Variants in RANGAP1 observed in about 807,000 individuals in gnomAD.
The protein encoded by RANGAP1 is ran GTPase-activating protein 1.
A neutral mutation model predicts 63.5 loss-of-function variants in RANGAP1; 38 were observed. That is an observed-to-expected ratio of 0.60 (90% CI 0.46 to 0.78). RANGAP1 has a LOEUF of 0.78. Ranked by LOEUF, RANGAP1 falls within the 30% of genes least tolerant of loss-of-function variation. The probability of loss-of-function intolerance (pLI) is 0.00; values close to 1 mark genes in which losing one functional copy is unlikely to be tolerated. For synonymous variants in RANGAP1, 329 were observed against 310.5 expected (o/e 1.06, Z -0.63); for missense variants, 630 against 740.3 (o/e 0.85, Z 1.73).
In RANGAP1 at chr22:41,257,694, C is replaced by A. The variant is rs1375272581; in HGVS notation, c.774+254G>T. Among the ~76,000 whole-genome samples, 1 of 152,246 alleles carries A rather than the reference C, an allele frequency of 6.6e-6. No individual in the cohort carries two copies. The highest frequency in any genetic ancestry group is 1.5e-5 in the Non-Finnish European group (1 of 68,044). On this transcript the variant is annotated intron_variant, in intron 7 of 15. Transcript: ENST00000356244. The surrounding 1 kb of genome is among the most constrained non-coding windows in gnomAD (Gnocchi z 4.0). ...CAGCCTGAGAACAAACCAGCGGCAGCCGCTGGGGGCTGCAGAGGCGGCTCA... is the reference window on the plus strand; with the variant it reads ...CAGCCTGAGAACAAACCAGCGGCAGACGCTGGGGGCTGCAGAGGCGGCTCA...
chr22:41,255,935 C>G, intron 10 of RANGAP1, 86 bp downstream of exon 10: 1 of 1,358,094 alleles, frequency 7.4e-7, no homozygotes, highest in Non-Finnish European at 1.0e-6. Flanking sequence ...GCCTGGGGAA[C>G]AGAGCAAGAC....
At chr22:41,269,804 A>C (rs1481146827) in intron 3 of RANGAP1, among the ~76,000 whole-genome samples, 2 of 151,664 alleles carry the variant, frequency 1.3e-5, no homozygotes, top group African/African-American at 4.8e-5. Context: ...ATAAATATTT[A>C]AGGTGATGGA....
the RANGAP1 span, among the ~76,000 whole-genome samples, chr22:41,300,425 A>AACACAC: frequency 7.5e-5 from 3 of 40,148 alleles, no homozygotes; most frequent in Non-Finnish European, 5.1e-5. Context: ...GGGTATTGGG[A>AACACAC]ACTCACACAC....
At chr22:41,291,762 G>A in the RANGAP1 span, among the ~76,000 whole-genome samples, 1,822 of 150,780 alleles carry the variant, frequency 0.012, 40 homozygotes, top group African/African-American at 0.042. Flanking sequence ...TTAGCCGGGC[G>A]TGATGGCGGG....
upstream of RANGAP1, among the ~76,000 whole-genome samples, chr22:41,287,348 T>A (rs2145872370): frequency 6.6e-6 from 1 of 150,972 alleles, no homozygotes; most frequent in Non-Finnish European, 1.5e-5. Context: ...AGGTGTGAAT[T>A]TAAGCATAAA....
intron 6 of RANGAP1, among the ~76,000 whole-genome samples, chr22:41,260,026 T>G (rs1246373494): frequency 1.3e-5 from 2 of 151,684 alleles, no homozygotes; most frequent in Non-Finnish European, 2.9e-5. Context: ...TTTTTTTTTT[T>G]GGGTTCAGGG....
chr22:41,274,015 T>C (rs1343409862), intron 3 of RANGAP1, among the ~76,000 whole-genome samples: 3 of 152,058 alleles, frequency 2.0e-5, no homozygotes, highest in Non-Finnish European at 2.9e-5. Flanking sequence ...GAGGCGGAGA[T>C]TGCAGTGAGC....
At chr22:41,248,313 G>C (rs1038991541) in intron 15 of RANGAP1, among the ~76,000 whole-genome samples, 1 of 152,240 alleles carries the variant, frequency 6.6e-6, no homozygotes, top group African/African-American at 2.4e-5. Context: ...TCCAGCTGCA[G>C]CCCAAGGGGT....
chr22:41,249,924 T>C (rs2033324519), intron 13 of RANGAP1, 107 bp from the exon 14 acceptor site: 1 of 960,424 alleles, frequency 1.0e-6, no homozygotes, highest in East Asian at 2.5e-5. Flanking sequence ...GCCTGCCTCC[T>C]CGCCCTGACG....
At chr22:41,293,233 C>CAA in the RANGAP1 span, among the ~76,000 whole-genome samples, 5 of 94,874 alleles carry the variant, frequency 5.3e-5, no homozygotes, top group Admixed American at 1.2e-4. Context: ...AGACTCCTCT[C>CAA]AAAAAAAAAA....
chr22:41,285,514 T>C, intron 1 of RANGAP1: 1 of 985,494 alleles, frequency 1.0e-6, no homozygotes, highest in Middle Eastern at 5.2e-4. Flanking sequence ...GTGAGATGCA[T>C]GCTCCTGCAA....
At chr22:41,301,405 C>T in the RANGAP1 span, 3 of 152,226 alleles carry the variant, frequency 2.0e-5, no homozygotes, top group Non-Finnish European at 1.5e-5. Context: ...TGGGGCTTCC[C>T]CGACTCGCCC....
At chr22:41,260,842 C>CA (rs926704317) in intron 6 of RANGAP1, among the ~76,000 whole-genome samples, 15 of 151,400 alleles carry the variant, frequency 9.9e-5, no homozygotes, top group South Asian at 8.4e-4. Flanking sequence ...GACTCTGCCT[C>CA]AAAAAAAACA....
At chr22:41,265,400 G>A (rs774477767) in intron 4 of RANGAP1, among the ~76,000 whole-genome samples, 87 of 152,218 alleles carry the variant, frequency 5.7e-4, no homozygotes, top group Non-Finnish European at 1.2e-3. Flanking sequence ...AGGGGGGCTG[G>A]AGTGCCCACC....
intron 3 of RANGAP1, among the ~76,000 whole-genome samples, chr22:41,268,508 G>A (rs113265378): frequency 2.0e-5 from 3 of 151,916 alleles, no homozygotes; most frequent in African/African-American, 7.2e-5. Context: ...GCCCACCTTG[G>A]TCTCCCAAAG....
At chr22:41,282,753 A>G (rs2035559339) in intron 1 of RANGAP1, among the ~76,000 whole-genome samples, 1 of 152,250 alleles carries the variant, frequency 6.6e-6, no homozygotes, top group Admixed American at 6.5e-5. Context: ...GAAGCCAGCT[A>G]TATTAGACAG....
chr22:41,286,495 G>A (rs1222635088), upstream of RANGAP1, among the ~76,000 whole-genome samples: 1 of 152,242 alleles, frequency 6.6e-6, no homozygotes, highest in African/African-American at 2.4e-5. Flanking sequence ...CCCAGAATGC[G>A]TTGCACCCAG....
intron 10 of RANGAP1, 57 bp downstream of exon 10, chr22:41,255,964 G>A: frequency 6.9e-7 from 1 of 1,452,528 alleles, no homozygotes; most frequent in South Asian, 1.2e-5. Context: ...AAGAACAAAA[G>A]AAAGAAAGAA....
chr22:41,249,768 G>A lies in RANGAP1; in HGVS notation c.1533C>T (p.Thr511=). The A allele has an allele frequency of 1.2e-6, 2 of 1,614,146 alleles. No individual in the cohort carries two copies. The highest frequency in any genetic ancestry group is 1.7e-6 in the Non-Finnish European group (2 of 1,179,966). ...AFNSSSFNSN[T]FLTRLLVHMG... Reference sequence around the variant, plus strand: ...TGTGCACGAGCAGCCTGGTGAGGAAGGTGTTGGAGTTGAAGGACGAGGAGT... The same window carrying A: ...TGTGCACGAGCAGCCTGGTGAGGAAAGTGTTGGAGTTGAAGGACGAGGAGT... Residue 511 remains threonine, a synonymous_variant, in exon 14 of 16, where the codon ACC becomes ACT. Coordinates refer to ENST00000356244, the MANE Select transcript of RANGAP1 (RefSeq NM_002883.4).
Sources: gnomAD v4.1 joint callset for allele counts (sites outside exome capture counted in the v4.1 genomes callset) on GRCh38, gnomAD v4.1.1 for gene constraint, Gnocchi (gnomAD v3.1) non-coding constraint, MANE v1.5 for transcripts, NCBI Gene and HGNC (gene_info 2026-07-23, HGNC 2026-07-21) for gene names.